Variants in CCDC169 observed in about 807,000 individuals in gnomAD.
The protein encoded by CCDC169 is coiled-coil domain containing 169, also known as coiled-coil domain-containing protein 169.
A neutral mutation model predicts 36.0 loss-of-function variants in CCDC169; 30 were observed. That is an observed-to-expected ratio of 0.83 (90% CI 0.62 to 1.13). CCDC169 has a LOEUF of 1.13. Ranked by LOEUF, CCDC169 falls within the 50% of genes most tolerant of loss-of-function variation. The pLI is 0.00. For synonymous variants in CCDC169, 85 were observed against 81.5 expected (o/e 1.04, Z -0.23); for missense variants, 245 against 245.9 (o/e 1.00, Z 0.03).
At chr13:36,242,511 A>G (rs1018393763) in intron 7 of CCDC169, among the ~76,000 whole-genome samples, 5 of 152,164 alleles carry the variant, frequency 3.3e-5, no homozygotes, top group African/African-American at 1.2e-4. Context: ...AGTACCAATT[A>G]TATATACCTA....
At chr13:36,282,324 T>C in intron 4 of CCDC169, 1 of 958,896 alleles carries the variant, frequency 1.0e-6, no homozygotes, top group Non-Finnish European at 1.2e-6. Context: ...TCACAAATAT[T>C]ATTCTTTATA....
At chr13:36,222,994 C>T (rs1815913234), downstream of CCDC169, 2 of 152,034 alleles carry the variant, frequency 1.3e-5, no homozygotes, top group Admixed American at 6.5e-5. Context: ...AAAAATAATA[C>T]AAAAATGGCC....
At chr13:36,266,790 A>G (rs1875374662) in intron 4 of CCDC169, among the ~76,000 whole-genome samples, 2 of 152,162 alleles carry the variant, frequency 1.3e-5, no homozygotes, top group African/African-American at 4.8e-5. Context: ...CATCAGTGCA[A>G]TCTTTATGAA....
At chr13:36,249,478 T>A (rs994280049) in intron 6 of CCDC169, among the ~76,000 whole-genome samples, 1 of 152,000 alleles carries the variant, frequency 6.6e-6, no homozygotes. Flanking sequence ...TATTAAGAGA[T>A]AAACTAGGCG....
chr13:36,245,001 AC>A (rs1369573514), intron 7 of CCDC169, among the ~76,000 whole-genome samples: 8 of 152,318 alleles, frequency 5.3e-5, no homozygotes, highest in Non-Finnish European at 1.0e-4. Context: ...GAAAGAATAT[AC>A]TTTATCTAGC....
intron 4 of CCDC169, among the ~76,000 whole-genome samples, chr13:36,272,106 A>G (rs1056169241): frequency 1.4e-5 from 2 of 137,960 alleles, no homozygotes; most frequent in Non-Finnish European, 3.2e-5. Context: ...AAACTAAAAA[A>G]ATAAATAAAT....
At chr13:36,229,801 C>T (rs1212987685), downstream of CCDC169, among the ~76,000 whole-genome samples, 2 of 151,890 alleles carry the variant, frequency 1.3e-5, no homozygotes, top group Non-Finnish European at 2.9e-5. Context: ...CCTTGGCCTC[C>T]CAAAGTACTA....
Position 36,297,617 on chromosome 13 carries a change from C to T in CCDC169, c.83+20G>A. On this transcript the variant is annotated intron_variant, in intron 1 of 7. Coordinates refer to ENST00000239859, the MANE Select transcript of CCDC169 (RefSeq NM_001144981.3). ...GGGGGGTGTGGACGGGACCCCACACCGCGCCGCCCGCCGACTCACTTCTTG... is the reference window on the plus strand; with the variant it reads ...GGGGGGTGTGGACGGGACCCCACACTGCGCCGCCCGCCGACTCACTTCTTG... The T allele has an allele frequency of 6.5e-7, 1 of 1,547,584 alleles. No individual in the cohort carries two copies. Among genetic ancestry groups the T allele is most frequent in the Admixed American group, 2.0e-5 (1 of 50,996 alleles).
At chr13:36,251,667 A>G (rs1345945460) in intron 6 of CCDC169, among the ~76,000 whole-genome samples, 1 of 152,098 alleles carries the variant, frequency 6.6e-6, no homozygotes, top group Non-Finnish European at 1.5e-5. Flanking sequence ...AATTTTGCAT[A>G]TTTGCTTTTT....
intron 4 of CCDC169, among the ~76,000 whole-genome samples, chr13:36,264,939 G>A (rs1174760995): frequency 6.6e-6 from 1 of 152,196 alleles, no homozygotes; most frequent in Non-Finnish European, 1.5e-5. Context: ...TTCTGGTGGT[G>A]TTGGATGGAA....
In CCDC169 at chr13:36,297,761, C is replaced by T. The variant is rs190923648; in HGVS notation, c.-42G>A. 703 of 1,536,854 alleles carry T rather than the reference C, an allele frequency of 4.6e-4. 3 individuals carry two copies. The African/African-American group carries it at 8.4e-3, about 18-fold the overall frequency. On this transcript the variant is annotated 5_prime_UTR_variant, in exon 1 of 8. Coordinates refer to ENST00000239859, the MANE Select transcript of CCDC169 (RefSeq NM_001144981.3). ...CCTCCCGCGTCTTTCCCCTCAGCAC[C>T]TTAGAGCACAAGACATTAAGGGCCA...
At chr13:36,245,294 G>A (rs1003842230) in intron 7 of CCDC169, among the ~76,000 whole-genome samples, 2 of 151,944 alleles carry the variant, frequency 1.3e-5, no homozygotes, top group Non-Finnish European at 2.9e-5. Flanking sequence ...AAACATTCCT[G>A]TGTTTTTGTT....
At chr13:36,264,339 T>C (rs1005382767) in intron 4 of CCDC169, among the ~76,000 whole-genome samples, 1 of 151,890 alleles carries the variant, frequency 6.6e-6, no homozygotes, top group Admixed American at 6.6e-5. Context: ...AAAAGTGAGA[T>C]GAAAGAGCTA....
downstream of CCDC169, chr13:36,224,802 T>C (rs1007840157): frequency 6.6e-6 from 1 of 152,118 alleles, no homozygotes; most frequent in Non-Finnish European, 1.5e-5. Context: ...CTAAAATTCA[T>C]GTGGAAGTAA....
chr13:36,283,306 T>C (rs550904395), intron 4 of CCDC169, 163 bp downstream of exon 4: 15 of 672,142 alleles, frequency 2.2e-5, no homozygotes, highest in African/African-American at 5.4e-5. Context: ...GCTCCACCTA[T>C]AGCTACTCAA....
intron 4 of CCDC169, among the ~76,000 whole-genome samples, chr13:36,257,013 AT>A (rs1873968710): frequency 6.6e-6 from 1 of 152,052 alleles, no homozygotes; most frequent in African/African-American, 2.4e-5. Context: ...CTCTGCTTCC[AT>A]TTGCTAGTGG....
At chr13:36,287,623 G>A (rs1170094631) in intron 2 of CCDC169, among the ~76,000 whole-genome samples, 1 of 152,150 alleles carries the variant, frequency 6.6e-6, no homozygotes, top group African/African-American at 2.4e-5. Context: ...AAGTAAATGA[G>A]TACTCAAAAA....
chr13:36,272,446 C>A (rs1272416180), intron 4 of CCDC169, among the ~76,000 whole-genome samples: 2 of 152,050 alleles, frequency 1.3e-5, no homozygotes, highest in African/African-American at 4.8e-5. Context: ...TTTTTGAAGC[C>A]CAGCACCTAG....
At chr13:36,272,862 C>T (rs544405969) in intron 4 of CCDC169, among the ~76,000 whole-genome samples, 82 of 152,246 alleles carry the variant, frequency 5.4e-4, no homozygotes, top group African/African-American at 1.8e-3. Context: ...ATCCCAGCTG[C>T]GTGGGATGGC....
Sources: gnomAD v4.1 joint callset for allele counts (sites outside exome capture counted in the v4.1 genomes callset) on GRCh38, gnomAD v4.1.1 for gene constraint, MANE v1.5 for transcripts, NCBI Gene and HGNC (gene_info 2026-07-23, HGNC 2026-07-21) for gene names.